Variants in CD9 observed in about 807,000 individuals in gnomAD.
CD9 encodes CD9 molecule.
A neutral mutation model predicts 31.4 loss-of-function variants in CD9; 10 were observed. The observed-to-expected ratio is 0.32, with a 90% CI of 0.20 to 0.54. The LOEUF is 0.54. Among genes scored for constraint, CD9 ranks in the 20% least tolerant of loss-of-function variants. The pLI is 0.94. For synonymous variants in CD9, 113 were observed against 114.1 expected (o/e 0.99, Z 0.06); for missense variants, 259 against 300.1 (o/e 0.86, Z 1.01).
intron 1 of CD9, among the ~76,000 whole-genome samples, chr12:6,204,256 C>T (rs904357762): frequency 1.3e-5 from 2 of 152,196 alleles, no homozygotes; most frequent in African/African-American, 4.8e-5. Context: ...CAATAGAACT[C>T]TCCTACACAA....
rs943265133 is a variant in CD9, at chr12:6,211,843, G to T, written c.66+11278G>T. Among the ~76,000 whole-genome samples the T allele has an allele frequency of 3.3e-5, 5 of 152,166 alleles. No homozygotes were observed. In the South Asian group the frequency reaches 1.0e-3, roughly 32 times the overall value. On this transcript the variant is annotated intron_variant, in intron 1 of 7. Coordinates refer to ENST00000009180, the MANE Select transcript of CD9 (RefSeq NM_001769.4). ...GTGGAAACTTGAAATGGGATTTCTTGTTTAGAAAGAGGTTACCTTGGGCTG... is the reference window on the plus strand; with the variant it reads ...GTGGAAACTTGAAATGGGATTTCTTTTTTAGAAAGAGGTTACCTTGGGCTG...
intron 1 of CD9, among the ~76,000 whole-genome samples, chr12:6,224,241 A>T (rs1409384963): frequency 6.6e-6 from 1 of 152,220 alleles, no homozygotes; most frequent in Non-Finnish European, 1.5e-5. Flanking sequence ...GAAGGGCCGC[A>T]TCTCACAATC....
intron 1 of CD9, among the ~76,000 whole-genome samples, chr12:6,220,224 C>T (rs1012961959): frequency 1.3e-5 from 2 of 152,132 alleles, no homozygotes; most frequent in African/African-American, 2.4e-5. Context: ...TTGGCTTAGG[C>T]GATCACGACA....
chr12:6,210,383 A>G (rs960642970), intron 1 of CD9, among the ~76,000 whole-genome samples: 1 of 152,192 alleles, frequency 6.6e-6, no homozygotes, highest in Admixed American at 6.5e-5. Flanking sequence ...CACCCTGACT[A>G]TATGACCAGT....
At chr12:6,210,337 C>T (rs1239417586) in intron 1 of CD9, among the ~76,000 whole-genome samples, 1 of 152,224 alleles carries the variant, frequency 6.6e-6, no homozygotes, top group East Asian at 1.9e-4. Flanking sequence ...GTGCGAGTTG[C>T]CCTGGAGAGT....
intron 1 of CD9, among the ~76,000 whole-genome samples, chr12:6,202,867 A>G (rs1946092017): frequency 6.6e-6 from 1 of 152,216 alleles, no homozygotes; most frequent in African/African-American, 2.4e-5. Context: ...AGGATCGCAG[A>G]GACAGAGCCA....
At position 6,225,494 on chromosome 12, in the gene CD9, C is replaced by T. The variant is rs759765677; in HGVS notation, c.135C>T (p.Phe45=). 2.5e-6 allele frequency: 4 copies of T among 1,613,078 alleles called. No individual in the cohort carries two copies. The highest frequency in any genetic ancestry group is 2.7e-5 in the African/African-American group (2 of 74,880). The part of the protein sequence containing the change: ...LRFDSQTKSI[F]EQETNNNNSS... ...TCGACTCTCAGACCAAGAGCATCTT[C>T]GAGCAAGAAACTAATAATAATAATT... The change falls in exon 2 of 8, where the codon TTC becomes TTT. Residue 45 remains phenylalanine (F), a synonymous_variant. Transcript: ENST00000009180.
chr12:6,223,704 C>T (rs544285639), intron 1 of CD9, among the ~76,000 whole-genome samples: 48 of 152,164 alleles, frequency 3.2e-4, no homozygotes, highest in African/African-American at 9.4e-4. Context: ...TAGCCCAGCA[C>T]GCTCCCAGCA....
chr12:6,224,861 G>C (rs983206778), intron 1 of CD9: 1 of 152,314 alleles, frequency 6.6e-6, no homozygotes, highest in Non-Finnish European at 1.5e-5. Context: ...ATGTGTGTCC[G>C]GAACTGTGTA....
chr12:6,233,849 T>G (rs1210397759), intron 4 of CD9, among the ~76,000 whole-genome samples: 1 of 151,428 alleles, frequency 6.6e-6, no homozygotes, highest in Non-Finnish European at 1.5e-5. Flanking sequence ...CACCCTTGCC[T>G]CCTCCTCTGA....
chr12:6,205,099 G>A (rs1398239712), intron 1 of CD9, among the ~76,000 whole-genome samples: 1 of 152,258 alleles, frequency 6.6e-6, no homozygotes, highest in Non-Finnish European at 1.5e-5. Flanking sequence ...TCCCCCAGAA[G>A]CAAGTTGCTG....
intron 1 of CD9, among the ~76,000 whole-genome samples, chr12:6,213,013 G>C (rs1946208241): frequency 6.6e-6 from 1 of 152,186 alleles, no homozygotes; most frequent in African/African-American, 2.4e-5. Context: ...CAGCAAATTA[G>C]TCACTCTCCT....
intron 2 of CD9, among the ~76,000 whole-genome samples, chr12:6,228,350 G>A (rs550110817): frequency 1.3e-5 from 2 of 152,032 alleles, no homozygotes; most frequent in African/African-American, 4.8e-5. Flanking sequence ...TCAGGAGTTC[G>A]ACACCAGCCT....
At chr12:6,218,707 G>A (rs1358465158) in intron 1 of CD9, among the ~76,000 whole-genome samples, 1 of 152,178 alleles carries the variant, frequency 6.6e-6, no homozygotes, top group Non-Finnish European at 1.5e-5. Flanking sequence ...ACCTGTCCCT[G>A]CAGCAAGATT....
At chr12:6,214,363 T>TTTTTTG (rs1946221731) in intron 1 of CD9, among the ~76,000 whole-genome samples, 1 of 142,008 alleles carries the variant, frequency 7.0e-6, no homozygotes, top group Non-Finnish European at 1.5e-5. Context: ...TTTTTTTTTT[T>TTTTTTG]TTTTTGAGAT....
chr12:6,221,163 A>G (rs1219745904), intron 1 of CD9, among the ~76,000 whole-genome samples: 1 of 152,240 alleles, frequency 6.6e-6, no homozygotes, highest in East Asian at 1.9e-4. Flanking sequence ...ACAATGGGAA[A>G]AAATGACCCT....
chr12:6,228,366 A>G (rs1162006618), intron 2 of CD9, among the ~76,000 whole-genome samples: 1 of 152,080 alleles, frequency 6.6e-6, no homozygotes, highest in Non-Finnish European at 1.5e-5. Flanking sequence ...AGCCTGGCCA[A>G]CATGGCAAAA....
At chr12:6,204,659 C>G (rs533276953) in intron 1 of CD9, among the ~76,000 whole-genome samples, 4 of 152,324 alleles carry the variant, frequency 2.6e-5, no homozygotes, top group Admixed American at 2.6e-4. Flanking sequence ...TGGTGACCAC[C>G]CCACATGGTG....
chr12:6,215,417 A>C (rs1022144092), intron 1 of CD9, among the ~76,000 whole-genome samples: 1 of 152,196 alleles, frequency 6.6e-6, no homozygotes, highest in Non-Finnish European at 1.5e-5. Context: ...GTTGGAAAAC[A>C]GAGTGCCGGC....
Sources: gnomAD v4.1 joint callset for allele counts (sites outside exome capture counted in the v4.1 genomes callset) on GRCh38, gnomAD v4.1.1 for gene constraint, MANE v1.5 for transcripts, NCBI Gene and HGNC (gene_info 2026-07-23, HGNC 2026-07-21) for gene names.